Variants in DCAF6 observed in about 807,000 individuals in gnomAD.
DCAF6 encodes the protein DDB1 and CUL4 associated factor 6, also known as DDB1- and CUL4-associated factor 6.
Under a neutral mutation model 125.1 loss-of-function variants are expected in DCAF6, and 54 were observed. The ratio of observed to expected loss-of-function variants is 0.43; its 90% CI spans 0.35 to 0.54. The LOEUF is 0.54. DCAF6 is among the 20% of genes least tolerant of loss of function. The pLI is 0.01. For missense variants in DCAF6, 934 were observed against 1,161.7 expected, an observed-to-expected ratio of 0.80 and a Z score of 2.85; for synonymous variants, 371 against 390.4, an observed-to-expected ratio of 0.95 and a Z score of 0.58.
chr1:167,899,498 C>T, the DCAF6 span: 2 of 1,614,086 alleles, frequency 1.2e-6, no homozygotes, highest in Non-Finnish European at 1.7e-6. Flanking sequence ...AGTTTGGTGA[C>T]AGAATAACAT....
chr1:168,034,792 C>T (rs1051110247), intron 12 of DCAF6, among the ~76,000 whole-genome samples: 22 of 152,182 alleles, frequency 1.4e-4, no homozygotes, highest in Non-Finnish European at 2.8e-4. Flanking sequence ...TTTTAAGTAA[C>T]ATATCTGTGC....
At chr1:167,904,667 T>C in the DCAF6 span, 5 of 589,262 alleles carry the variant, frequency 8.5e-6, no homozygotes, top group Middle Eastern at 4.5e-4. Flanking sequence ...GATCATTTCC[T>C]GAGGTCAATT....
At chr1:167,921,396 A>G in the DCAF6 span, among the ~76,000 whole-genome samples, 2 of 151,894 alleles carry the variant, frequency 1.3e-5, no homozygotes, top group African/African-American at 2.4e-5. Context: ...TAATTTTTGT[A>G]TTTTTAATAG....
the DCAF6 span, chr1:167,896,550 G>T: frequency 1.4e-6 from 2 of 1,457,678 alleles, no homozygotes; most frequent in South Asian, 2.3e-5. Flanking sequence ...AGACCCTACT[G>T]ACCACTGGTA....
At chr1:167,878,377 C>T in the DCAF6 span, 10 of 1,544,336 alleles carry the variant, frequency 6.5e-6, no homozygotes, top group Non-Finnish European at 8.9e-6. Context: ...AAATGGGTGA[C>T]TGCTTTGCTA....
chr1:167,870,204 A>G, the DCAF6 span: 1 of 1,606,270 alleles, frequency 6.2e-7, no homozygotes, highest in Non-Finnish European at 8.5e-7. Flanking sequence ...GGAGCATCAA[A>G]ATAAATCAGG....
the DCAF6 span, among the ~76,000 whole-genome samples, chr1:167,885,297 A>G: frequency 3.3e-5 from 5 of 152,174 alleles, no homozygotes; most frequent in African/African-American, 1.2e-4. Context: ...TCTTTTGAGT[A>G]TGTATCTAGG....
intron 10 of DCAF6, among the ~76,000 whole-genome samples, chr1:168,008,053 T>A (rs1158144889): frequency 7.9e-6 from 1 of 126,140 alleles, no homozygotes; most frequent in Non-Finnish European, 1.6e-5. Flanking sequence ...CACTGCAGCC[T>A]CCCCCTCCTG....
the DCAF6 span, among the ~76,000 whole-genome samples, chr1:167,906,711 C>T: frequency 1.3e-5 from 2 of 151,864 alleles, no homozygotes; most frequent in Admixed American, 1.3e-4. Flanking sequence ...ATGGCTTGAG[C>T]CCAGGAGGTC....
intron 7 of DCAF6, among the ~76,000 whole-genome samples, chr1:167,994,111 T>A (rs912100391): frequency 6.6e-6 from 1 of 152,024 alleles, no homozygotes; most frequent in Non-Finnish European, 1.5e-5. Context: ...CTATTCTTAA[T>A]AATGTATTAG....
chr1:167,988,763 G>T (rs1331966116), intron 5 of DCAF6, among the ~76,000 whole-genome samples: 1 of 152,066 alleles, frequency 6.6e-6, no homozygotes, highest in African/African-American at 2.4e-5. Flanking sequence ...ATTTGAAACA[G>T]AAATAAAACA....
chr1:167,950,877 T>G (rs1272966670), intron 1 of DCAF6, among the ~76,000 whole-genome samples: 1 of 152,250 alleles, frequency 6.6e-6, no homozygotes, highest in African/African-American at 2.4e-5. Flanking sequence ...GTTCTGCTAT[T>G]GATGGACATT....
chr1:167,956,145 C>T lies in DCAF6; in HGVS notation c.159+4284C>T, dbSNP rs144704213. Among the ~76,000 whole-genome samples, 3 of 151,866 alleles carry T rather than the reference C, an allele frequency of 2.0e-5. No homozygotes were observed. The East Asian group carries it at 5.8e-4, about 29-fold the overall frequency. On this transcript the variant is annotated intron_variant, in intron 2 of 21. Transcript: ENST00000367840. ...TTGTTGTCAGGTTGAGGATGTTCTC[C>T]TCTATTACTAACTTGCTAAGAGCTA...
At chr1:168,007,422 T>C (rs1365367783) in intron 10 of DCAF6, among the ~76,000 whole-genome samples, 1 of 152,182 alleles carries the variant, frequency 6.6e-6, no homozygotes, top group Non-Finnish European at 1.5e-5. Context: ...CTCAGAAGAG[T>C]TGTTGATAGA....
chr1:168,033,956 G>A (rs1687475779), intron 12 of DCAF6, among the ~76,000 whole-genome samples: 1 of 152,178 alleles, frequency 6.6e-6, no homozygotes, highest in South Asian at 2.1e-4. Flanking sequence ...AATGTTTTTA[G>A]AGGAAGAAAT....
chr1:167,944,805 TTTAA>T (rs1458678556), intron 1 of DCAF6, among the ~76,000 whole-genome samples: 3 of 152,196 alleles, frequency 2.0e-5, no homozygotes, highest in Non-Finnish European at 4.4e-5. Flanking sequence ...AGCTTTTTAG[TTTAA>T]TTGAGTCCCA....
At chr1:167,903,241 G>A in the DCAF6 span, among the ~76,000 whole-genome samples, 2 of 151,044 alleles carry the variant, frequency 1.3e-5, no homozygotes, top group African/African-American at 4.9e-5. Flanking sequence ...GGGAGACAGA[G>A]TGAGACTCTG....
intron 4 of DCAF6, among the ~76,000 whole-genome samples, chr1:167,982,478 T>C (rs1679346561): frequency 6.6e-6 from 1 of 152,184 alleles, no homozygotes; most frequent in South Asian, 2.1e-4. Flanking sequence ...CCTGACCTCA[T>C]GATCTGCCTG....
At chr1:168,054,813 G>A (rs1189431719) in intron 17 of DCAF6, among the ~76,000 whole-genome samples, 1 of 145,114 alleles carries the variant, frequency 6.9e-6, no homozygotes, top group Non-Finnish European at 1.5e-5. Flanking sequence ...AGAACATACG[G>A]GTTTGGTTTT....
Sources: allele counts gnomAD v4.1 joint callset (sites outside exome capture counted in the v4.1 genomes callset), GRCh38; gene constraint gnomAD v4.1.1; transcripts MANE v1.5; gene names NCBI Gene and HGNC (gene_info 2026-07-23, HGNC 2026-07-21).